Variants in BNC1 observed in about 807,000 individuals in gnomAD.
The protein encoded by BNC1 is zinc finger protein basonuclin-1.
A neutral mutation model predicts 66.5 loss-of-function variants in BNC1; 8 were observed. That is an observed-to-expected ratio of 0.12 (90% CI 0.07 to 0.22). The LOEUF is 0.22. Among genes scored for constraint, BNC1 ranks in the 10% least tolerant of loss-of-function variants. The pLI is 1.00. For synonymous variants in BNC1, 454 were observed against 452.6 expected (o/e 1.00, Z -0.04); for missense variants, 1,069 against 1,241.3 (o/e 0.86, Z 2.09).
At chr15:83,266,695 C>A (rs2038221373) in intron 3 of BNC1, 141 bp downstream of exon 3, 2 of 751,290 alleles carry the variant, frequency 2.7e-6, no homozygotes, top group Non-Finnish European at 4.6e-6. Flanking sequence ...GAGGTAGGGG[C>A]TTAGGCCATT....
chr15:83,276,157 C>T (rs1162505813), intron 1 of BNC1, among the ~76,000 whole-genome samples: 1 of 152,206 alleles, frequency 6.6e-6, no homozygotes, highest in Non-Finnish European at 1.5e-5. Flanking sequence ...AATGTGGATA[C>T]ACAGATGGGG....
chr15:83,269,608 T>C (rs1010490883), intron 1 of BNC1, among the ~76,000 whole-genome samples: 4 of 152,132 alleles, frequency 2.6e-5, no homozygotes, highest in African/African-American at 9.7e-5. Context: ...AGTCTCCACT[T>C]AAAAATTGGT....
intron 1 of BNC1, among the ~76,000 whole-genome samples, chr15:83,269,355 G>A (rs1309764431): frequency 6.6e-6 from 1 of 152,202 alleles, no homozygotes; most frequent in Non-Finnish European, 1.5e-5. Context: ...AAGCAGCTTT[G>A]TCAGTGAGGT....
chr15:83,265,161 T>A (rs1326444558), intron 3 of BNC1, among the ~76,000 whole-genome samples: 1 of 152,254 alleles, frequency 6.6e-6, no homozygotes, highest in African/African-American at 2.4e-5. Context: ...CTGCTAAAAT[T>A]AAAATATGTA....
At chr15:83,270,935 CTG>C (rs1012767155) in intron 1 of BNC1, among the ~76,000 whole-genome samples, 4 of 152,170 alleles carry the variant, frequency 2.6e-5, no homozygotes, top group Non-Finnish European at 4.4e-5. Context: ...ACTGTACACT[CTG>C]TAAGTTAATT....
At chr15:83,267,177 G>A in intron 2 of BNC1, 106 bp from the exon 3 acceptor site, 1 of 767,124 alleles carries the variant, frequency 1.3e-6, no homozygotes, top group East Asian at 2.7e-5. Context: ...TTATTCCACA[G>A]AAAATACATG....
chr15:83,262,842 G>C lies in BNC1; in HGVS notation c.2300+109C>G, dbSNP rs958866132. On this transcript the variant is annotated intron_variant, in intron 4 of 4. Transcript: ENST00000345382. ...TAGATCTAATGAAGTGGAAATTCTA[G>C]GGTGGGGCTCAGAAGTCTGTGTTTT... 9.2e-6 allele frequency: 11 copies of C among 1,190,568 alleles called. No individual in the cohort carries two copies. The African/African-American group carries it at 1.5e-4, about 17-fold the overall frequency. 73.8% of individuals were successfully genotyped at this position (1,190,568 alleles called of 1,614,324 possible).
intron 1 of BNC1, among the ~76,000 whole-genome samples, chr15:83,277,600 C>T (rs751313676): frequency 1.3e-5 from 2 of 152,140 alleles, no homozygotes; most frequent in Admixed American, 1.3e-4. Flanking sequence ...TGAGCCACCG[C>T]GCCTGGCCAG....
intron 1 of BNC1, among the ~76,000 whole-genome samples, chr15:83,275,366 C>T (rs1028441071): frequency 2.6e-5 from 4 of 151,946 alleles, no homozygotes; most frequent in African/African-American, 9.7e-5. Context: ...CGTGGTGGCG[C>T]ATGCCTGTAA....
chr15:83,278,510 T>C (rs1262287714), intron 1 of BNC1, among the ~76,000 whole-genome samples: 1 of 152,164 alleles, frequency 6.6e-6, no homozygotes, highest in Non-Finnish European at 1.5e-5. Context: ...ACAAAACTCA[T>C]TGGCCACTTT....
chr15:83,275,860 G>C (rs1334843116), intron 1 of BNC1, among the ~76,000 whole-genome samples: 2 of 151,908 alleles, frequency 1.3e-5, no homozygotes, highest in Non-Finnish European at 2.9e-5. Context: ...GCAGGTGAAG[G>C]AGTCTGGATT....
At position 83,257,305 on chromosome 15, in the gene BNC1, G is replaced by T; in HGVS notation, c.*137C>A. The T allele has an allele frequency of 9.7e-7, 1 of 1,033,678 alleles. No individual in the cohort carries two copies. The highest frequency in any genetic ancestry group is 2.4e-5 in the East Asian group (1 of 40,872). 64.0% of individuals were successfully genotyped at this position (1,033,678 alleles called of 1,614,324 possible). A position where few individuals can be genotyped will look rare whatever the true frequency, so the allele number is the denominator to read the frequency against. Reference sequence around the variant, plus strand: ...AGGTTTGTCTTTTGCTCATTGTGCTGTGGAAAACTATAAAGTCAAATCAAA... The same window carrying T: ...AGGTTTGTCTTTTGCTCATTGTGCTTTGGAAAACTATAAAGTCAAATCAAA... On this transcript the variant is annotated 3_prime_UTR_variant, in exon 5 of 5. Coordinates refer to ENST00000345382, the MANE Select transcript of BNC1 (RefSeq NM_001717.4).
rs996562187 is a variant in BNC1, at chr15:83,256,361, TAAATATTA to T, written c.*1073_*1080del. ...GTGTGGAATATATTTCCGAATAAGT[TAAATATTA>T]AGACATACAATATGGCAATAATGTC... is the stretch of plus-strand genomic sequence containing the variant. On this transcript the variant is annotated 3_prime_UTR_variant, in exon 5 of 5. Coordinates refer to ENST00000345382, the MANE Select transcript of BNC1 (RefSeq NM_001717.4). The T allele has an allele frequency of 1.3e-4, 20 of 152,766 alleles. 1 individual carries two copies. Among genetic ancestry groups the T allele is most frequent in the Admixed American group, 5.9e-4 (9 of 15,294 alleles). 9.5% of individuals were successfully genotyped at this position (152,766 alleles called of 1,614,324 possible). A position where few individuals can be genotyped will look rare whatever the true frequency, so the allele number is the denominator to read the frequency against.
At position 83,263,079 on chromosome 15, in the gene BNC1, G is replaced by A; in HGVS notation, c.2172C>T (p.Ile724=). ...AAGCATTTTTAAAGGTCTTCTTGCA[G>A]ATGTCACACTGGAAGCGATTTTCTT... ...QIEENRFQCD[I]CKKTFKNACS... is the part of the protein sequence containing the mutation. The change falls in exon 4 of 5, where the codon ATC becomes ATT. Residue 724 remains isoleucine (I), a synonymous_variant. Coordinates refer to ENST00000345382, the MANE Select transcript of BNC1 (RefSeq NM_001717.4). 6.2e-7 allele frequency: 1 copy of A among 1,614,240 alleles called. No individual in the cohort carries two copies. The highest frequency in any genetic ancestry group is 8.5e-7 in the Non-Finnish European group (1 of 1,180,038).
intron 1 of BNC1, among the ~76,000 whole-genome samples, chr15:83,283,877 G>A (rs1000980807): frequency 6.6e-6 from 1 of 152,176 alleles, no homozygotes; most frequent in African/African-American, 2.4e-5. Flanking sequence ...TTCAGTCGTG[G>A]GTTTTTTGTT....
At chr15:83,278,153 G>A (rs925952365) in intron 1 of BNC1, among the ~76,000 whole-genome samples, 3 of 152,108 alleles carry the variant, frequency 2.0e-5, no homozygotes, top group Non-Finnish European at 2.9e-5. Flanking sequence ...TGAGAGTGTC[G>A]GACTTTAGCT....
Position 83,257,574 on chromosome 15 carries a change from G to A in BNC1, c.2853C>T (p.His951=), listed in dbSNP as rs1396043798. Residue 951 remains histidine, a synonymous_variant, in exon 5 of 5, where the codon CAC becomes CAT. Transcript: ENST00000345382. ...CTTTGCATTTGTGGAGCTGCCGGAGGTGCACAGTTTTGTAGTGGGCCCTAA... is the reference window on the plus strand; with the variant it reads ...CTTTGCATTTGTGGAGCTGCCGGAGATGCACAGTTTTGTAGTGGGCCCTAA... The part of the protein sequence containing the change: ...GTFRAHYKTV[H]LRQLHKCKVP... 1 of 1,613,994 alleles carries A rather than the reference G, an allele frequency of 6.2e-7. No individual in the cohort carries two copies.
intron 1 of BNC1, among the ~76,000 whole-genome samples, chr15:83,279,487 T>C (rs1185752849): frequency 6.6e-6 from 1 of 152,202 alleles, no homozygotes; most frequent in Non-Finnish European, 1.5e-5. Context: ...GAAGAAGGCA[T>C]GCTCTCATCA....
intron 2 of BNC1, among the ~76,000 whole-genome samples, chr15:83,267,745 T>C (rs569760067): frequency 2.6e-5 from 4 of 152,178 alleles, no homozygotes; most frequent in Non-Finnish European, 5.9e-5. Flanking sequence ...GATATACATA[T>C]ACTAAAAATA....
Sources: allele counts gnomAD v4.1 joint callset (sites outside exome capture counted in the v4.1 genomes callset), GRCh38; gene constraint gnomAD v4.1.1; transcripts MANE v1.5; gene names NCBI Gene and HGNC (gene_info 2026-07-23, HGNC 2026-07-21).